The following FNBP1L variants were observed in gnomAD, a reference collection of about 807,000 sequenced individuals.
FNBP1L encodes the protein formin-binding protein 1-like.
A neutral mutation model predicts 91.2 loss-of-function variants in FNBP1L; 36 were observed. That is an observed-to-expected ratio of 0.39 (90% CI 0.30 to 0.52). FNBP1L has a LOEUF of 0.52. Among genes scored for constraint, FNBP1L ranks in the 20% least tolerant of loss-of-function variants. The pLI is 0.66. For missense variants in FNBP1L, 571 were observed against 732.1 expected, an observed-to-expected ratio of 0.78 and a Z score of 2.54; for synonymous variants, 242 against 237.0, an observed-to-expected ratio of 1.02 and a Z score of -0.19.
intron 1 of FNBP1L, among the ~76,000 whole-genome samples, chr1:93,457,201 A>G (rs1668700931): frequency 1.3e-5 from 2 of 152,162 alleles, no homozygotes; most frequent in South Asian, 4.1e-4. Context: ...CACTATTCTG[A>G]ATTGTATCAC....
chr1:93,544,934 A>C (rs970394159), intron 12 of FNBP1L, among the ~76,000 whole-genome samples: 2 of 152,186 alleles, frequency 1.3e-5, no homozygotes, highest in Non-Finnish European at 2.9e-5. Context: ...ATTATGGAAT[A>C]CTGAAACATT....
chr1:93,508,612 A>G (rs1388184325), intron 2 of FNBP1L, among the ~76,000 whole-genome samples: 2 of 152,130 alleles, frequency 1.3e-5, no homozygotes, highest in Non-Finnish European at 2.9e-5. Flanking sequence ...ACTACCCTGC[A>G]TGTTCAAAAT....
rs1670241913 is a variant in FNBP1L, at chr1:93,495,821, AT to A, written c.25-3645del. On this transcript the variant is annotated intron_variant, in intron 1 of 16. Coordinates refer to ENST00000271234, the MANE Select transcript of FNBP1L (RefSeq NM_001164473.3). ...ATGATGAATGTTTGGAAATGTATTC[AT>A]TATATAATTTTGTTGCTGAAAATGA... Among the ~76,000 whole-genome samples, 2 of 152,224 alleles carry A rather than the reference AT, an allele frequency of 1.3e-5. 1 individual carries two copies. The highest frequency in any genetic ancestry group is 4.1e-4 in the South Asian group (2 of 4,832).
rs11806965 is a variant in FNBP1L, at chr1:93,548,913, G to A, written c.1503-365G>A. On this transcript the variant is annotated intron_variant, in intron 14 of 16. Transcript: ENST00000271234. ...ACCTGAAGCGTGTGAACTAAACATG[G>A]ATATGCATGGATCCCTTAAGGAATT... Among the ~76,000 whole-genome samples, 1,226 of 152,290 alleles carry A rather than the reference G, an allele frequency of 8.1e-3. 21 individuals carry two copies. Among genetic ancestry groups the A allele is most frequent in the African/African-American group, 0.028 (1,171 of 41,568 alleles).
chr1:93,508,200 A>G (rs1018438508), intron 2 of FNBP1L, among the ~76,000 whole-genome samples: 1 of 151,792 alleles, frequency 6.6e-6, no homozygotes, highest in African/African-American at 2.4e-5. Context: ...AGACAAAAAA[A>G]TTAGCCAGGC....
intron 1 of FNBP1L, among the ~76,000 whole-genome samples, chr1:93,448,765 C>T (rs185055777): frequency 0.011 from 1,701 of 152,252 alleles, 14 homozygotes; most frequent in Middle Eastern, 0.051. Context: ...ATTCCTCGCC[C>T]GGGCCAGGTC....
chr1:93,536,529 T>C, intron 10 of FNBP1L, 39 bp downstream of exon 10: 1 of 1,518,968 alleles, frequency 6.6e-7, no homozygotes, highest in Non-Finnish European at 8.8e-7. Flanking sequence ...GATGGCCTAT[T>C]GTGTGTGTAG....
At chr1:93,507,464 A>G (rs1051006921) in intron 2 of FNBP1L, among the ~76,000 whole-genome samples, 8 of 152,154 alleles carry the variant, frequency 5.3e-5, no homozygotes, top group African/African-American at 1.9e-4. Flanking sequence ...GCACTTACCT[A>G]TTAAAATTTA....
chr1:93,503,705 T>A (rs1670512021), intron 2 of FNBP1L, among the ~76,000 whole-genome samples: 1 of 152,230 alleles, frequency 6.6e-6, no homozygotes. Flanking sequence ...GGAAAATGGT[T>A]ACTTCAGATC....
rs538600101 is a variant in FNBP1L at position 93,541,705 on chromosome 1, A to C, written c.1164+649A>C. 3.5e-4 allele frequency among the ~76,000 whole-genome samples: 54 copies of C among 152,272 alleles called. 2 individuals carry two copies. The highest frequency in any genetic ancestry group is 4.1e-4 in the South Asian group (2 of 4,830). ...CCCCAAAATTATTGTATAGGAAGCT[A>C]CTGGAAAATAGACCACTCTTTTTTA... On this transcript the variant is annotated intron_variant, in intron 11 of 16. Transcript: ENST00000271234.
intron 2 of FNBP1L, among the ~76,000 whole-genome samples, chr1:93,511,835 G>A (rs1285057666): frequency 2.0e-5 from 3 of 150,658 alleles, no homozygotes; most frequent in African/African-American, 4.9e-5. Flanking sequence ...GCGTAGTGGC[G>A]GGCGCCTGTA....
chr1:93,482,462 A>G (rs182850028), intron 1 of FNBP1L, among the ~76,000 whole-genome samples: 368 of 152,254 alleles, frequency 2.4e-3, no homozygotes, highest in Non-Finnish European at 2.8e-3. Context: ...TAAGTACTTC[A>G]TGTGCAGTAT....
chr1:93,507,097 ACACACACACACTCT>A (rs1162523303), intron 2 of FNBP1L, among the ~76,000 whole-genome samples: 1,000 of 83,762 alleles, frequency 0.012, 2 homozygotes, highest in African/African-American at 0.034. Context: ...ACACACACAC[ACACACACACACTCT>A]CTCTCTCTCT....
chr1:93,453,553 G>A (rs1275861396), intron 1 of FNBP1L, among the ~76,000 whole-genome samples: 1 of 152,118 alleles, frequency 6.6e-6, no homozygotes, highest in East Asian at 1.9e-4. Context: ...AAGAGAAATA[G>A]TAATGGCTTA....
At chr1:93,511,839 G>T (rs1212659891) in intron 2 of FNBP1L, among the ~76,000 whole-genome samples, 1 of 150,644 alleles carries the variant, frequency 6.6e-6, no homozygotes, top group South Asian at 2.1e-4. Context: ...AGTGGCGGGC[G>T]CCTGTAGTCC....
chr1:93,453,476 G>T (rs1019778494), intron 1 of FNBP1L, among the ~76,000 whole-genome samples: 1 of 151,996 alleles, frequency 6.6e-6, no homozygotes, highest in Non-Finnish European at 1.5e-5. Flanking sequence ...ATTTTGGCTG[G>T]AAACTTTAAA....
intron 1 of FNBP1L, among the ~76,000 whole-genome samples, chr1:93,493,616 A>C (rs746577193): frequency 6.6e-6 from 1 of 152,038 alleles, no homozygotes; most frequent in Non-Finnish European, 1.5e-5. Flanking sequence ...GGAATCATAC[A>C]GTATTTGTCC....
intron 2 of FNBP1L, among the ~76,000 whole-genome samples, chr1:93,510,695 T>G (rs1217286062): frequency 6.6e-6 from 1 of 152,080 alleles, no homozygotes; most frequent in African/African-American, 2.4e-5. Context: ...GCAAAGAAGT[T>G]GAAAACTTTG....
intron 1 of FNBP1L, among the ~76,000 whole-genome samples, chr1:93,467,280 T>G (rs1456937434): frequency 6.6e-6 from 1 of 152,104 alleles, no homozygotes; most frequent in Non-Finnish European, 1.5e-5. Context: ...AAATTTGTTA[T>G]ACACATACAG....
Sources: allele counts gnomAD v4.1 joint callset (sites outside exome capture counted in the v4.1 genomes callset), GRCh38; gene constraint gnomAD v4.1.1; transcripts MANE v1.5; gene names NCBI Gene and HGNC (gene_info 2026-07-23, HGNC 2026-07-21).